Variants in AIF1L observed in about 807,000 individuals in gnomAD.
The protein encoded by AIF1L is allograft inflammatory factor 1-like.
AIF1L carries 12 observed loss-of-function variants against 20.7 expected under a neutral mutation model. The observed-to-expected ratio is 0.58, with a 90% CI of 0.37 to 0.94. AIF1L has a LOEUF of 0.94. AIF1L is among the 40% of genes least tolerant of loss of function. AIF1L has a pLI of 0.01. For missense variants in AIF1L, 173 were observed against 185.3 expected (o/e 0.93, Z 0.39); for synonymous variants, 76 against 65.1 (o/e 1.17, Z -0.81).
At position 131,115,790 on chromosome 9, in the gene AIF1L, A is replaced by G. The variant is rs193113948; in HGVS notation, c.202+1172A>G. 1.6e-4 allele frequency among the ~76,000 whole-genome samples: 24 copies of G among 152,144 alleles called. No homozygotes were observed. The East Asian group carries it at 4.5e-3, about 28-fold the overall frequency. On this transcript the variant is annotated intron_variant, in intron 4 of 5. Transcript: ENST00000247291. ...GGAGTTCGAGACCAGCCTGGGCAACATGGTGAAACCCCATCTTTACTAAAA... is the reference window on the plus strand; with the variant it reads ...GGAGTTCGAGACCAGCCTGGGCAACGTGGTGAAACCCCATCTTTACTAAAA...
chr9:131,102,653 C>T (rs1312221891), intron 2 of AIF1L, among the ~76,000 whole-genome samples: 1 of 152,146 alleles, frequency 6.6e-6, no homozygotes, highest in African/African-American at 2.4e-5. Flanking sequence ...CATCTGTTGG[C>T]GAGGATGCGG....
rs376103838 is a variant in AIF1L at position 131,097,585 on chromosome 9, C to A, written c.93+722C>A. ...TCCTGGTGGATTTCTCAAAAGAAAT[C>A]TTTCCTGTTGTTGCCAGGCATCCAG... is the stretch of plus-strand genomic sequence containing the variant. On this transcript the variant is annotated intron_variant, in intron 2 of 5. Transcript: ENST00000247291. Among the ~76,000 whole-genome samples the A allele has an allele frequency of 4.6e-5, 7 of 152,214 alleles. No individual in the cohort carries two copies. The East Asian group carries it at 1.3e-3, about 29-fold the overall frequency.
chr9:131,122,994 G>T lies in AIF1L; in HGVS notation c.*2672G>T, dbSNP rs1463294523. On this transcript the variant is annotated 3_prime_UTR_variant, in exon 6 of 6. Transcript: ENST00000247291. ...CCAAATCTAATGTAACCAGTAACGT[G>T]AGGACTGCCAAGTATGGCTTTGTCC... 1 of 152,338 alleles carries T rather than the reference G, an allele frequency of 6.6e-6. No individual in the cohort carries two copies. The highest frequency in any genetic ancestry group is 1.5e-5 in the Non-Finnish European group (1 of 68,086). 9.4% of individuals were successfully genotyped at this position (152,338 alleles called of 1,614,324 possible).
chr9:131,120,546 C>G lies in AIF1L; in HGVS notation c.*224C>G. 1 of 490,874 alleles carries G rather than the reference C, an allele frequency of 2.0e-6. No homozygotes were observed. The highest frequency in any genetic ancestry group is 3.4e-5 in the South Asian group (1 of 29,824). 30.4% of individuals were successfully genotyped at this position (490,874 alleles called of 1,614,324 possible). On this transcript the variant is annotated 3_prime_UTR_variant, in exon 6 of 6. Transcript: ENST00000247291. ...CCCCTCCCTCTCTTCTTCCCTCCTT[C>G]CCCGCTCCCTGTGCAGAAGGGCTGA...
chr9:131,101,441 G>T (rs913395050), intron 2 of AIF1L, among the ~76,000 whole-genome samples: 2 of 151,136 alleles, frequency 1.3e-5, no homozygotes, highest in African/African-American at 4.9e-5. Context: ...TGACCTCCTG[G>T]GCTTAGGTGA....
intron 2 of AIF1L, chr9:131,108,201 T>A (rs925726419): frequency 1.2e-5 from 1 of 80,078 alleles, no homozygotes; most frequent in East Asian, 4.8e-4. Flanking sequence ...TCTGTGAACC[T>A]TTTTTTTTTT....
chr9:131,109,202 GAA>G (rs1588183772), intron 2 of AIF1L, among the ~76,000 whole-genome samples: 1 of 140,610 alleles, frequency 7.1e-6, no homozygotes, highest in South Asian at 2.2e-4. Context: ...ATGAGTGAAT[GAA>G]TGAATGAATG....
rs1448155983 is a variant in AIF1L at position 131,122,949 on chromosome 9, A to T, written c.*2627A>T. 3 of 152,288 alleles carry T rather than the reference A, an allele frequency of 2.0e-5. No individual in the cohort carries two copies. The highest frequency in any genetic ancestry group is 7.2e-5 in the African/African-American group (3 of 41,456). The allele number at this position is 152,288 out of a possible 1,614,324, so 9.4% of individuals were successfully genotyped here. A position where few individuals can be genotyped will look rare whatever the true frequency, so the allele number is the denominator to read the frequency against. On this transcript the variant is annotated 3_prime_UTR_variant, in exon 6 of 6. Coordinates refer to ENST00000247291, the MANE Select transcript of AIF1L (RefSeq NM_031426.4). ...AAGGGCTCAGCTTCTTGGGACTTCAACCATCTTCTTTCTGAAAGACCAAAT... is the reference window on the plus strand; with the variant it reads ...AAGGGCTCAGCTTCTTGGGACTTCATCCATCTTCTTTCTGAAAGACCAAAT...
At chr9:131,116,368 G>A (rs956270267) in intron 4 of AIF1L, among the ~76,000 whole-genome samples, 2 of 151,982 alleles carry the variant, frequency 1.3e-5, no homozygotes, top group East Asian at 1.9e-4. Context: ...GGTTCAAGCG[G>A]TTCTCCTGCC....
chr9:131,120,653 C>G lies in AIF1L; in HGVS notation c.*331C>G. ...TTCCCCTCACTTGGAGGAACCAGCA[C>G]TCTCCATCCTTTCAGAAAGTCTCCA... On this transcript the variant is annotated 3_prime_UTR_variant, in exon 6 of 6. Coordinates refer to ENST00000247291, the MANE Select transcript of AIF1L (RefSeq NM_031426.4). 3.2e-6 allele frequency: 1 copy of G among 316,092 alleles called. No individual in the cohort carries two copies. The highest frequency in any genetic ancestry group is 5.8e-6 in the Non-Finnish European group (1 of 172,964). The allele number at this position is 316,092 out of a possible 1,614,324, so 19.6% of individuals were successfully genotyped here. A position where few individuals can be genotyped will look rare whatever the true frequency, so the allele number is the denominator to read the frequency against.
intron 2 of AIF1L, chr9:131,102,842 T>G: frequency 2.2e-6 from 1 of 456,068 alleles, no homozygotes; most frequent in Non-Finnish European, 4.4e-6. Context: ...TTCCTGTCCT[T>G]GGAGTTCTTG....
chr9:131,107,446 G>A (rs1434261450), intron 2 of AIF1L, among the ~76,000 whole-genome samples: 1 of 152,218 alleles, frequency 6.6e-6, no homozygotes, highest in Non-Finnish European at 1.5e-5. Flanking sequence ...CCAGACCCCA[G>A]GGGCTGGGAC....
chr9:131,121,062 G>A lies in AIF1L; in HGVS notation c.*740G>A. On this transcript the variant is annotated 3_prime_UTR_variant, in exon 6 of 6. Transcript: ENST00000247291. The stretch of plus-strand genomic sequence containing the variant: ...AGAGGGCTTCGGAGGCAGAAGTGAG[G>A]CCTGGGGTTTTGGGGGAAAGGTCAG... 1 of 694,494 alleles carries A rather than the reference G, an allele frequency of 1.4e-6. No homozygotes were observed. The highest frequency in any genetic ancestry group is 1.5e-5 in the South Asian group (1 of 65,124). 43.0% of individuals were successfully genotyped at this position (694,494 alleles called of 1,614,324 possible).
At chr9:131,114,368 C>T (rs1487466477) in intron 3 of AIF1L, 2 of 568,758 alleles carry the variant, frequency 3.5e-6, no homozygotes, top group South Asian at 1.9e-5. Flanking sequence ...CCTCGTGGCA[C>T]CTCTAGGAGA....
At chr9:131,098,730 C>T (rs1345197292) in intron 2 of AIF1L, among the ~76,000 whole-genome samples, 1 of 152,188 alleles carries the variant, frequency 6.6e-6, no homozygotes, top group African/African-American at 2.4e-5. Context: ...CTGGGCAGCA[C>T]TGGGACTAGG....
At chr9:131,099,463 G>A (rs1830593133) in intron 2 of AIF1L, among the ~76,000 whole-genome samples, 1 of 152,252 alleles carries the variant, frequency 6.6e-6, no homozygotes, top group Admixed American at 6.5e-5. Flanking sequence ...TGTGCTGGCA[G>A]CCCGGACTGC....
rs994927979 is a variant in AIF1L, at chr9:131,120,549, C to T, written c.*227C>T. 1.0e-5 allele frequency: 5 copies of T among 485,862 alleles called. No homozygotes were observed. Among genetic ancestry groups the T allele is most frequent in the African/African-American group, 2.0e-5 (1 of 50,392 alleles). 30.1% of individuals were successfully genotyped at this position (485,862 alleles called of 1,614,324 possible). On this transcript the variant is annotated 3_prime_UTR_variant, in exon 6 of 6. Transcript: ENST00000247291. Reference sequence around the variant, plus strand: ...CTCCCTCTCTTCTTCCCTCCTTCCCCGCTCCCTGTGCAGAAGGGCTGACAT... The same window carrying T: ...CTCCCTCTCTTCTTCCCTCCTTCCCTGCTCCCTGTGCAGAAGGGCTGACAT...
intron 2 of AIF1L, among the ~76,000 whole-genome samples, chr9:131,111,182 A>T (rs1463876040): frequency 6.6e-6 from 1 of 151,928 alleles, no homozygotes; most frequent in Non-Finnish European, 1.5e-5. Flanking sequence ...TTAAAAAAAA[A>T]AAAAAAAAAG....
At chr9:131,107,169 A>G (rs554154604) in intron 2 of AIF1L, among the ~76,000 whole-genome samples, 1 of 152,332 alleles carries the variant, frequency 6.6e-6, no homozygotes, top group South Asian at 2.1e-4. Flanking sequence ...GGAGAGAACC[A>G]CGCAGATCTG....
Sources: allele counts gnomAD v4.1 joint callset (sites outside exome capture counted in the v4.1 genomes callset), GRCh38; gene constraint gnomAD v4.1.1; transcripts MANE v1.5; gene names NCBI Gene and HGNC (gene_info 2026-07-23, HGNC 2026-07-21).